The following RBFOX1 variants were observed in gnomAD, a reference collection of about 807,000 sequenced individuals.
RBFOX1 encodes the protein RNA binding fox-1 homolog 1.
RBFOX1 carries 8 observed loss-of-function variants against 57.7 expected under a neutral mutation model. The observed-to-expected ratio is 0.14, with a 90% CI of 0.08 to 0.25. The LOEUF (loss-of-function observed/expected upper bound fraction) is 0.25, where lower values mean the gene tolerates loss of function less well. Ranked by LOEUF, RBFOX1 falls within the 10% of genes least tolerant of loss-of-function variation. The pLI is 1.00. For missense variants in RBFOX1, 611 were observed against 548.5 expected (o/e 1.11, Z -1.14); for synonymous variants, 326 against 222.4 (o/e 1.47, Z -4.15).
At chr16:6,941,530 T>C (rs747185715) in intron 3 of RBFOX1, among the ~76,000 whole-genome samples, 1 of 152,056 alleles carries the variant, frequency 6.6e-6, no homozygotes, top group East Asian at 1.9e-4. Flanking sequence ...CTGGTGGGTT[T>C]CCTGAAGGTT....
chr16:6,433,004 C>A (rs1567261304), intron 2 of RBFOX1, among the ~76,000 whole-genome samples: 1 of 152,006 alleles, frequency 6.6e-6, no homozygotes, highest in East Asian at 1.9e-4. Context: ...ATAACAATAA[C>A]AATATTTAAT....
intron 2 of RBFOX1, among the ~76,000 whole-genome samples, chr16:6,455,632 C>T (rs2429653): frequency 0.8 from 120,926 of 151,646 alleles, 48,321 homozygotes; most frequent in Middle Eastern, 0.87. Flanking sequence ...CCGAGGCTTA[C>T]CATATAGACA....
intron 2 of RBFOX1, among the ~76,000 whole-genome samples, chr16:5,587,994 G>C (rs1049056866): frequency 6.6e-6 from 1 of 152,116 alleles, no homozygotes. Context: ...AAACAAAGGT[G>C]GTCTCTCTAT....
At chr16:6,622,702 TTCC>T (rs1477901512) in intron 2 of RBFOX1, among the ~76,000 whole-genome samples, 1 of 152,222 alleles carries the variant, frequency 6.6e-6, no homozygotes, top group Non-Finnish European at 1.5e-5. Context: ...GTCCTTCTCT[TTCC>T]TCCTGAGATT....
chr16:6,626,792 AAAAT>A (rs970954368), intron 2 of RBFOX1, among the ~76,000 whole-genome samples: 2 of 92,556 alleles, frequency 2.2e-5, no homozygotes, highest in East Asian at 3.2e-4. Flanking sequence ...AAATAGAAAT[AAAAT>A]AAAGTATAGA....
rs192636907 is a variant in RBFOX1, at chr16:6,286,294, C to T, written c.-126-30701C>T. The stretch of plus-strand genomic sequence containing the variant: ...TTAAATGTATCATTAAAGACACATT[C>T]CCAGACAGTGAGAAATGCAGTGTCG... On this transcript the variant is annotated intron_variant, in intron 1 of 15. Coordinates refer to ENST00000550418, the MANE Select transcript of RBFOX1 (RefSeq NM_018723.4). Among the ~76,000 whole-genome samples the T allele has an allele frequency of 3.6e-4, 55 of 152,222 alleles. 1 individual carries two copies. Among genetic ancestry groups the T allele is most frequent in the Middle Eastern group, 6.8e-3 (2 of 294 alleles).
At chr16:7,414,623 A>G (rs1045266611) in intron 4 of RBFOX1, among the ~76,000 whole-genome samples, 1 of 151,940 alleles carries the variant, frequency 6.6e-6, no homozygotes, top group Non-Finnish European at 1.5e-5. Context: ...TATTTTATTT[A>G]TTTATTTATT....
chr16:7,421,239 GA>G (rs944902115), intron 4 of RBFOX1, among the ~76,000 whole-genome samples: 32 of 141,442 alleles, frequency 2.3e-4, no homozygotes, highest in African/African-American at 8.2e-4. Flanking sequence ...AAGACAAAGA[GA>G]GAGAGAACAA....
At chr16:6,599,411 C>T (rs2097820610) in intron 2 of RBFOX1, among the ~76,000 whole-genome samples, 1 of 152,040 alleles carries the variant, frequency 6.6e-6, no homozygotes, top group African/African-American at 2.4e-5. Context: ...ACTCTGGGAA[C>T]ATACACCATC....
chr16:5,723,632 C>T (rs149781059), intron 3 of RBFOX1, among the ~76,000 whole-genome samples: 1 of 151,758 alleles, frequency 6.6e-6, no homozygotes, highest in Non-Finnish European at 1.5e-5. Flanking sequence ...TGTCTGAGGT[C>T]TGATTTTGAG....
chr16:7,643,880 A>G (rs727624), intron 11 of RBFOX1, among the ~76,000 whole-genome samples: 62,587 of 151,950 alleles, frequency 0.41, 13,182 homozygotes, highest in African/African-American at 0.48. Context: ...CAGACCCTCT[A>G]ATGTCTCCCC....
At chr16:6,893,390 C>A (rs557286704) in intron 3 of RBFOX1, among the ~76,000 whole-genome samples, 1 of 152,302 alleles carries the variant, frequency 6.6e-6, no homozygotes, top group African/African-American at 2.4e-5. Context: ...AGAAGGCTTT[C>A]TTTATCCCTG....
rs184339115 is a variant in RBFOX1 at position 7,602,631 on chromosome 16, G to C, written c.623-4654G>C. ...GGTACGAGGAGGAGTCACAGGGAAT[G>C]TGGGTTCATTTGCATGTGATTTGCA... On this transcript the variant is annotated intron_variant, in intron 9 of 15. Coordinates refer to ENST00000550418, the MANE Select transcript of RBFOX1 (RefSeq NM_018723.4). Among the ~76,000 whole-genome samples the C allele has an allele frequency of 1.5e-3, 226 of 152,316 alleles. 2 individuals carry two copies. Among genetic ancestry groups the C allele is most frequent in the African/African-American group, 5.1e-3 (214 of 41,582 alleles).
At chr16:5,963,361 C>T (rs2059786781) in intron 4 of RBFOX1, among the ~76,000 whole-genome samples, 1 of 152,182 alleles carries the variant, frequency 6.6e-6, no homozygotes. Context: ...AAAGAAAGTT[C>T]TGGAGTGTTA....
At chr16:6,816,535 A>G (rs1017717240) in intron 3 of RBFOX1, among the ~76,000 whole-genome samples, 20 of 151,100 alleles carry the variant, frequency 1.3e-4, no homozygotes, top group African/African-American at 4.9e-4. Context: ...GGATCAGGAG[A>G]TGAAGACCAT....
At position 7,460,881 on chromosome 16, in the gene RBFOX1, A is replaced by C. The variant is rs182033649; in HGVS notation, c.28-57266A>C. ...CTTGGGCAGAGTCTGATATTCTGCA[A>C]GTTTTACAAGTTCCCTAGTGATATG... On this transcript the variant is annotated intron_variant, in intron 4 of 15. Transcript: ENST00000550418. Among the ~76,000 whole-genome samples, 1,004 of 152,278 alleles carry C rather than the reference A, an allele frequency of 6.6e-3. 4 individuals carry two copies. The highest frequency in any genetic ancestry group is 0.01 in the Non-Finnish European group (697 of 68,010).
intron 2 of RBFOX1, among the ~76,000 whole-genome samples, chr16:6,460,619 T>A (rs934826419): frequency 6.6e-6 from 1 of 152,034 alleles, no homozygotes; most frequent in Non-Finnish European, 1.5e-5. Flanking sequence ...AGCTTGTAGA[T>A]AAATAGGAAC....
At chr16:6,142,189 C>CTG (rs781188873) in intron 1 of RBFOX1, among the ~76,000 whole-genome samples, 1,671 of 49,104 alleles carry the variant, frequency 0.034, 5 homozygotes, top group African/African-American at 0.061. Flanking sequence ...GCTGCTGCTG[C>CTG]AAAAAAAAAA....
At chr16:5,491,326 CCTGA>C (rs1299225338) in intron 2 of RBFOX1, among the ~76,000 whole-genome samples, 57 of 152,258 alleles carry the variant, frequency 3.7e-4, no homozygotes, top group Middle Eastern at 3.4e-3. Flanking sequence ...CCAAGCGCCA[CCTGA>C]CTATTATCGC....
Sources: allele counts gnomAD v4.1 joint callset (sites outside exome capture counted in the v4.1 genomes callset), GRCh38; gene constraint gnomAD v4.1.1; transcripts MANE v1.5; gene names NCBI Gene and HGNC (gene_info 2026-07-23, HGNC 2026-07-21).